Variants in CACNA2D3 observed in about 807,000 individuals in gnomAD.
CACNA2D3 encodes the protein calcium voltage-gated channel auxiliary subunit alpha2delta 3, also known as voltage-dependent calcium channel subunit alpha-2/delta-3.
Under a neutral mutation model 160.6 loss-of-function variants are expected in CACNA2D3, and 60 were observed. The observed-to-expected ratio is 0.37, with a 90% CI of 0.30 to 0.46. The LOEUF (loss-of-function observed/expected upper bound fraction) is 0.46. Ranked by LOEUF, CACNA2D3 falls within the 20% of genes least tolerant of loss-of-function variation. The pLI, the probability that CACNA2D3 is intolerant of heterozygous loss-of-function variation, is 1.00. For synonymous variants in CACNA2D3, 558 were observed against 492.9 expected (o/e 1.13, Z -1.75); for missense variants, 1,205 against 1,365.0 (o/e 0.88, Z 1.85).
chr3:54,809,311 C>CTTTTTTTTTTTTTTTTTTTTTT lies in CACNA2D3; in HGVS notation c.1381-7524_1381-7523insTTTTTTTTTTTTTTTTTTTTTT, dbSNP rs1217898723. ...TCTTTCTTTCCTTCCTTCCTTCTTT[C>CTTTTTTTTTTTTTTTTTTTTTT]TTTTTTTTTTTTTTTTTTGAGACGG... On this transcript the variant is annotated intron_variant, in intron 13 of 37. Transcript: ENST00000474759. 1.1e-3 allele frequency among the ~76,000 whole-genome samples: 87 copies of CTTTTTTTTTTTTTTTTTTTTTT among 80,724 alleles called. 3 individuals are homozygous for CTTTTTTTTTTTTTTTTTTTTTT. The highest frequency in any genetic ancestry group is 1.3e-3 in the Non-Finnish European group (60 of 44,904). The allele number at this position is 80,724 out of a possible 152,430, so 53.0% of individuals were successfully genotyped here. A position where few individuals can be genotyped will look rare whatever the true frequency, so the allele number is the denominator to read the frequency against.
intron 2 of CACNA2D3, among the ~76,000 whole-genome samples, chr3:54,302,118 C>G (rs1703490485): frequency 6.6e-6 from 1 of 152,180 alleles, no homozygotes; most frequent in Admixed American, 6.5e-5. Flanking sequence ...GTGCTGAAAA[C>G]CCTGAGTATT....
intron 9 of CACNA2D3, among the ~76,000 whole-genome samples, chr3:54,606,354 G>A (rs189859984): frequency 3.7e-4 from 56 of 152,130 alleles, no homozygotes; most frequent in African/African-American, 9.2e-4. Context: ...GGAGCAAGTC[G>A]GGGCTGGGGA....
chr3:54,467,768 C>T (rs889182210), intron 4 of CACNA2D3, among the ~76,000 whole-genome samples: 2 of 152,002 alleles, frequency 1.3e-5, no homozygotes, highest in South Asian at 2.1e-4. Context: ...TTGATAGGTA[C>T]GAACTACAGT....
chr3:54,251,238 G>C (rs1402894586), intron 2 of CACNA2D3, among the ~76,000 whole-genome samples: 2 of 152,128 alleles, frequency 1.3e-5, no homozygotes, highest in African/African-American at 4.8e-5. Context: ...GAAAGCAGGA[G>C]AGCAGTGAAG....
intron 2 of CACNA2D3, among the ~76,000 whole-genome samples, chr3:54,173,585 A>G (rs904158071): frequency 1.3e-5 from 2 of 152,228 alleles, no homozygotes; most frequent in South Asian, 4.1e-4. Flanking sequence ...AAACGGAAAC[A>G]GTCTCCCCAT....
At chr3:54,260,787 A>G (rs1344657569) in intron 2 of CACNA2D3, among the ~76,000 whole-genome samples, 1 of 151,758 alleles carries the variant, frequency 6.6e-6, no homozygotes. Context: ...CTCTGCCTTG[A>G]GTGCTCTTTC....
At chr3:54,389,296 TAA>T (rs34532007) in intron 4 of CACNA2D3, among the ~76,000 whole-genome samples, 108 of 144,204 alleles carry the variant, frequency 7.5e-4, no homozygotes, top group African/African-American at 1.9e-3. Flanking sequence ...AACTCCGTCT[TAA>T]AAAAAAAAAA....
At chr3:54,279,405 A>C (rs981251390) in intron 2 of CACNA2D3, among the ~76,000 whole-genome samples, 1 of 152,132 alleles carries the variant, frequency 6.6e-6, no homozygotes, top group African/African-American at 2.4e-5. Context: ...AGAGCTGAGT[A>C]ATTTCCCCAG....
chr3:54,935,522 G>A (rs948102846), intron 27 of CACNA2D3, among the ~76,000 whole-genome samples: 22 of 152,170 alleles, frequency 1.4e-4, no homozygotes, highest in African/African-American at 4.3e-4. Context: ...GCCTCACAGT[G>A]ACACGTTGTT....
chr3:54,488,734 A>G (rs187033110), intron 4 of CACNA2D3, among the ~76,000 whole-genome samples: 2 of 152,180 alleles, frequency 1.3e-5, no homozygotes, highest in Non-Finnish European at 2.9e-5. Flanking sequence ...CCGAGATTAC[A>G]GTGGCACAGG....
chr3:54,762,363 TGGCTAACTGGTCC>T (rs1702095525), intron 12 of CACNA2D3, among the ~76,000 whole-genome samples: 1 of 152,224 alleles, frequency 6.6e-6, no homozygotes, highest in Non-Finnish European at 1.5e-5. Context: ...CCAGTTCCTC[TGGCTAACTGGTCC>T]TCATCCTTCA....
At chr3:54,517,487 C>T (rs1418243629) in intron 5 of CACNA2D3, among the ~76,000 whole-genome samples, 2 of 152,180 alleles carry the variant, frequency 1.3e-5, no homozygotes, top group Non-Finnish European at 2.9e-5. Flanking sequence ...GCCTCTTGTC[C>T]ACCCCAGCCC....
chr3:54,364,636 A>G (rs1698797986), intron 3 of CACNA2D3, among the ~76,000 whole-genome samples: 1 of 152,344 alleles, frequency 6.6e-6, no homozygotes, highest in East Asian at 1.9e-4. Flanking sequence ...TTATACAACA[A>G]TTTTAGACTT....
chr3:54,935,518 C>T (rs1701305723), intron 27 of CACNA2D3, among the ~76,000 whole-genome samples: 1 of 152,208 alleles, frequency 6.6e-6, no homozygotes, highest in African/African-American at 2.4e-5. Flanking sequence ...CAAAGCCTCA[C>T]AGTGACACGT....
intron 13 of CACNA2D3, among the ~76,000 whole-genome samples, chr3:54,803,006 G>T (rs1463622497): frequency 6.6e-6 from 1 of 152,128 alleles, no homozygotes; most frequent in Non-Finnish European, 1.5e-5. Flanking sequence ...GGTCCTGTCT[G>T]GTAGAAGGAA....
intron 4 of CACNA2D3, among the ~76,000 whole-genome samples, chr3:54,401,548 G>T (rs1230104510): frequency 1.3e-5 from 2 of 152,168 alleles, no homozygotes; most frequent in Admixed American, 6.5e-5. Flanking sequence ...TAGAATGTCA[G>T]TGAATTTCTT....
chr3:54,400,696 G>T (rs188589490), intron 4 of CACNA2D3, among the ~76,000 whole-genome samples: 1 of 152,224 alleles, frequency 6.6e-6, no homozygotes, highest in East Asian at 1.9e-4. Context: ...GGAGCTTAGA[G>T]TCACCATGCC....
chr3:54,254,391 T>C (rs1266906380), intron 2 of CACNA2D3, among the ~76,000 whole-genome samples: 1 of 152,224 alleles, frequency 6.6e-6, no homozygotes, highest in African/African-American at 2.4e-5. Flanking sequence ...GTCAATTAGC[T>C]TCTGATAAAT....
chr3:54,265,674 GTGTA>G (rs1241014790), intron 2 of CACNA2D3, among the ~76,000 whole-genome samples: 3 of 143,230 alleles, frequency 2.1e-5, no homozygotes, highest in African/African-American at 7.6e-5. Flanking sequence ...TATATAGTGT[GTGTA>G]TATATATATA....
Sources: gnomAD v4.1 joint callset for allele counts (sites outside exome capture counted in the v4.1 genomes callset) on GRCh38, gnomAD v4.1.1 for gene constraint, MANE v1.5 for transcripts, NCBI Gene and HGNC (gene_info 2026-07-23, HGNC 2026-07-21) for gene names.